The following TSEN15 variants were observed in gnomAD, a reference collection of about 807,000 sequenced individuals.
The protein encoded by TSEN15 is tRNA splicing endonuclease subunit 15, also known as tRNA-splicing endonuclease subunit Sen15.
A neutral mutation model predicts 20.5 loss-of-function variants in TSEN15; 10 were observed. That is an observed-to-expected ratio of 0.49 (90% confidence interval 0.30 to 0.83). The LOEUF (loss-of-function observed/expected upper bound fraction) is 0.83. Ranked by LOEUF, TSEN15 falls within the 40% of genes least tolerant of loss-of-function variation. TSEN15 has a pLI of 0.06. For synonymous variants in TSEN15, 72 were observed against 80.1 expected (o/e 0.90, Z 0.54); for missense variants, 180 against 218.6 (o/e 0.82, Z 1.11).
At chr1:184,091,942 C>T (rs1052226872) in intron 3 of TSEN15, among the ~76,000 whole-genome samples, 3 of 152,240 alleles carry the variant, frequency 2.0e-5, no homozygotes, top group African/African-American at 7.2e-5. Context: ...GTAAGAAAAA[C>T]CTAAGATATG....
chr1:184,075,497 A>G (rs1195812187), downstream of TSEN15, among the ~76,000 whole-genome samples: 1 of 152,190 alleles, frequency 6.6e-6, no homozygotes, highest in African/African-American at 2.4e-5. Flanking sequence ...AGTAACTCAC[A>G]TATAGTAAAC....
At chr1:184,084,497 A>T (rs948430879) in intron 3 of TSEN15, among the ~76,000 whole-genome samples, 2 of 150,738 alleles carry the variant, frequency 1.3e-5, no homozygotes, top group African/African-American at 2.5e-5. Context: ...TGATTTATGG[A>T]TAATATCTTA....
intron 3 of TSEN15, chr1:184,094,086 G>A (rs745671142): frequency 5.3e-5 from 8 of 152,080 alleles, no homozygotes; most frequent in Non-Finnish European, 8.8e-5. Flanking sequence ...TAGGGTCGCT[G>A]AGCTATAGTC....
In TSEN15 at chr1:184,058,637, G is replaced by A. The variant is rs149995438; in HGVS notation, c.353+3774G>A. Among the ~76,000 whole-genome samples the A allele has an allele frequency of 5.6e-3, 855 of 152,024 alleles. 6 individuals are homozygous for A. The highest frequency in any genetic ancestry group is 0.019 in the African/African-American group (807 of 41,482). On this transcript the variant is annotated intron_variant, in intron 3 of 4. Transcript: ENST00000645668. ...TCATAGTTAATGTGGGAATTTTTCT[G>A]TGTTAGTAACACAGAGAAGAAAATG...
chr1:184,092,180 T>C (rs933191170), intron 3 of TSEN15, among the ~76,000 whole-genome samples: 1 of 152,214 alleles, frequency 6.6e-6, no homozygotes. Context: ...TGCTAAGAAC[T>C]CGTTTGCATG....
At position 184,072,138 on chromosome 1, in the gene TSEN15, A is replaced by T. The variant is rs775910177; in HGVS notation, c.354-19A>T. 5 of 1,612,240 alleles carry T rather than the reference A, an allele frequency of 3.1e-6. 1 individual carries two copies. The South Asian group carries it at 5.5e-5, about 18-fold the overall frequency. ...TTGAGTGACCGCAACTCCTAAGTAT[A>T]TTGTGACTTTATTTTCAGGATAAGG... is the stretch of plus-strand genomic sequence containing the variant. On this transcript the variant is annotated intron_variant, in intron 3 of 4. Transcript: ENST00000645668.
At chr1:184,084,935 A>G (rs1651233717) in intron 3 of TSEN15, among the ~76,000 whole-genome samples, 1 of 152,130 alleles carries the variant, frequency 6.6e-6, no homozygotes, top group South Asian at 2.1e-4. Flanking sequence ...AAAATTTCTC[A>G]GGCCTGATCT....
intron 3 of TSEN15, among the ~76,000 whole-genome samples, chr1:184,067,951 T>C (rs1261991109): frequency 7.3e-6 from 1 of 136,454 alleles, no homozygotes; most frequent in Non-Finnish European, 1.5e-5. Flanking sequence ...AATATATATA[T>C]ATATATATAT....
chr1:184,096,794 T>C (rs1194754999), exon 4 of TSEN15: 2 of 152,102 alleles, frequency 1.3e-5, no homozygotes, highest in African/African-American at 2.4e-5. Flanking sequence ...GCAGGAAAAC[T>C]CCCCCTTATA....
At chr1:184,091,960 G>A (rs1480694631) in intron 3 of TSEN15, among the ~76,000 whole-genome samples, 3 of 152,148 alleles carry the variant, frequency 2.0e-5, no homozygotes, top group Non-Finnish European at 2.9e-5. Flanking sequence ...ATGTTGCATC[G>A]ACTCAGCAGT....
Position 184,051,903 on chromosome 1 carries a change from G to A in TSEN15, c.135+13G>A. The A allele has an allele frequency of 1.3e-6, 2 of 1,527,820 alleles. No homozygotes were observed. Among genetic ancestry groups the A allele is most frequent in the Non-Finnish European group, 8.8e-7 (1 of 1,135,180 alleles). The allele number at this position is 1,527,820 out of a possible 1,614,324, so 94.6% of individuals were successfully genotyped here. Reference sequence around the variant, plus strand: ...CACTCACCCTAAGGTCAGGAGGCGCGAGAGGAGCAGGGCGCCGTCCAGGCC... The same window carrying A: ...CACTCACCCTAAGGTCAGGAGGCGCAAGAGGAGCAGGGCGCCGTCCAGGCC... On this transcript the variant is annotated intron_variant, in intron 1 of 4. Coordinates refer to ENST00000645668, the MANE Select transcript of TSEN15 (RefSeq NM_052965.4).
chr1:184,065,620 T>A (rs904172849), intron 3 of TSEN15, among the ~76,000 whole-genome samples: 2 of 152,236 alleles, frequency 1.3e-5, no homozygotes, highest in African/African-American at 4.8e-5. Context: ...TTATACAGTA[T>A]GTAGCCTTTC....
chr1:184,087,282 C>T (rs369151087), intron 3 of TSEN15, among the ~76,000 whole-genome samples: 39 of 152,150 alleles, frequency 2.6e-4, no homozygotes, highest in Non-Finnish European at 3.5e-4. Flanking sequence ...AAATTATTAA[C>T]GAGATATTTT....
chr1:184,055,074 A>G (rs1232369340), intron 3 of TSEN15: 3 of 496,408 alleles, frequency 6.0e-6, no homozygotes, highest in Non-Finnish European at 1.0e-5. Flanking sequence ...TTTCTTAAAA[A>G]AAAAAGAAGA....
chr1:184,062,030 T>A (rs1381198419), intron 3 of TSEN15, among the ~76,000 whole-genome samples: 2 of 152,186 alleles, frequency 1.3e-5, no homozygotes, highest in African/African-American at 2.4e-5. Flanking sequence ...GTAATAGTCC[T>A]TATGAAAATA....
At chr1:184,069,710 A>G (rs1650815734) in intron 3 of TSEN15, among the ~76,000 whole-genome samples, 1 of 152,030 alleles carries the variant, frequency 6.6e-6, no homozygotes, top group Non-Finnish European at 1.5e-5. Flanking sequence ...CATTTTTAAG[A>G]TTTTATGCAG....
At chr1:184,064,898 CG>C (rs1650590494) in intron 3 of TSEN15, among the ~76,000 whole-genome samples, 1 of 152,084 alleles carries the variant, frequency 6.6e-6, no homozygotes, top group African/African-American at 2.4e-5. Context: ...ACTCCCTAAG[CG>C]GCCTTATCTG....
intron 1 of TSEN15, 151 bp downstream of exon 1, chr1:184,052,041 C>T: frequency 1.2e-6 from 1 of 858,046 alleles, no homozygotes; most frequent in Middle Eastern, 2.5e-4. Context: ...CTGCCAGCCT[C>T]AGGCAGCATC....
intron 3 of TSEN15, among the ~76,000 whole-genome samples, chr1:184,080,635 A>G (rs1651148397): frequency 6.6e-6 from 1 of 152,212 alleles, no homozygotes; most frequent in Non-Finnish European, 1.5e-5. Context: ...CAATATATTT[A>G]CAGAGTTTTA....
Sources: allele counts gnomAD v4.1 joint callset (sites outside exome capture counted in the v4.1 genomes callset), GRCh38; gene constraint gnomAD v4.1.1; transcripts MANE v1.5; gene names NCBI Gene and HGNC (gene_info 2026-07-23, HGNC 2026-07-21).